The following PTPRD variants were observed in gnomAD, a reference collection of about 807,000 sequenced individuals.
PTPRD encodes the protein protein tyrosine phosphatase receptor type D, also known as receptor-type tyrosine-protein phosphatase delta.
PTPRD carries 34 observed loss-of-function variants against 214.5 expected under a neutral mutation model. The ratio of observed to expected loss-of-function variants is 0.16; its 90% CI spans 0.12 to 0.21. PTPRD has a LOEUF of 0.21. Among genes scored for constraint, PTPRD ranks in the 10% least tolerant of loss-of-function variants. PTPRD has a pLI of 1.00. For synonymous variants in PTPRD, 1,128 were observed against 845.7 expected (o/e 1.33, Z -5.79); for missense variants, 2,545 against 2,398.7 (o/e 1.06, Z -1.27).
chr9:10,291,822 T>C (rs2095535641), intron 3 of PTPRD, among the ~76,000 whole-genome samples: 1 of 152,050 alleles, frequency 6.6e-6, no homozygotes, highest in African/African-American at 2.4e-5. Flanking sequence ...CAGAGGAAAC[T>C]AATGGAGACG....
At chr9:10,013,956 G>C (rs945490582) in intron 4 of PTPRD, among the ~76,000 whole-genome samples, 1 of 151,678 alleles carries the variant, frequency 6.6e-6, no homozygotes, top group Non-Finnish European at 1.5e-5. Flanking sequence ...ATGAAACAAA[G>C]GACAAATCTG....
intron 7 of PTPRD, among the ~76,000 whole-genome samples, chr9:9,678,219 T>C (rs1413928851): frequency 1.3e-5 from 2 of 152,084 alleles, no homozygotes; most frequent in Non-Finnish European, 2.9e-5. Flanking sequence ...AAACAACTAC[T>C]TTAAAGTTCA....
chr9:10,011,464 G>C (rs568386838), intron 4 of PTPRD, among the ~76,000 whole-genome samples: 5 of 152,024 alleles, frequency 3.3e-5, no homozygotes, highest in African/African-American at 4.8e-5. Flanking sequence ...GCTTTTAGCT[G>C]TCGAATGCAT....
At chr9:8,517,347 C>G (rs1047606363) in intron 21 of PTPRD, among the ~76,000 whole-genome samples, 1 of 152,096 alleles carries the variant, frequency 6.6e-6, no homozygotes, top group South Asian at 2.1e-4. Context: ...TGAGGCCATA[C>G]AGAGAAAAAC....
chr9:8,949,352 C>G (rs1057117816), intron 11 of PTPRD, among the ~76,000 whole-genome samples: 1 of 151,678 alleles, frequency 6.6e-6, no homozygotes, highest in Non-Finnish European at 1.5e-5. Flanking sequence ...TTAAAGACAA[C>G]ATTTTACCTA....
intron 8 of PTPRD, among the ~76,000 whole-genome samples, chr9:9,468,061 A>G (rs1239172331): frequency 6.6e-6 from 1 of 152,082 alleles, no homozygotes; most frequent in Non-Finnish European, 1.5e-5. Flanking sequence ...TTGCATTTGA[A>G]TGTGGAAATT....
At chr9:9,316,803 A>G (rs1278136365) in intron 9 of PTPRD, among the ~76,000 whole-genome samples, 1 of 152,158 alleles carries the variant, frequency 6.6e-6, no homozygotes, top group African/African-American at 2.4e-5. Context: ...TATGGTAAAT[A>G]ATTTCCCCTG....
intron 11 of PTPRD, among the ~76,000 whole-genome samples, chr9:8,929,827 ATATG>A (rs1227467676): frequency 1.8e-5 from 2 of 110,220 alleles, no homozygotes; most frequent in African/African-American, 3.3e-5. Flanking sequence ...ATGTGTATAT[ATATG>A]TGTATATATA....
intron 3 of PTPRD, among the ~76,000 whole-genome samples, chr9:10,165,319 T>A (rs993682258): frequency 6.6e-6 from 1 of 151,700 alleles, no homozygotes; most frequent in African/African-American, 2.4e-5. Flanking sequence ...TTGTCCTTGG[T>A]GAGAGTCTGA....
chr9:9,364,370 T>C (rs184187104), intron 9 of PTPRD, among the ~76,000 whole-genome samples: 5 of 151,556 alleles, frequency 3.3e-5, no homozygotes, highest in South Asian at 2.1e-4. Flanking sequence ...AAGACACATA[T>C]GGCAAAGAGA....
intron 3 of PTPRD, among the ~76,000 whole-genome samples, chr9:10,116,504 A>T (rs2098732332): frequency 6.6e-6 from 1 of 152,174 alleles, no homozygotes; most frequent in African/African-American, 2.4e-5. Flanking sequence ...TTTCAAAATT[A>T]TAGCATTGAA....
intron 9 of PTPRD, among the ~76,000 whole-genome samples, chr9:9,199,125 A>G (rs2099940394): frequency 6.6e-6 from 1 of 152,156 alleles, no homozygotes; most frequent in Non-Finnish European, 1.5e-5. Context: ...GCACAAGGAG[A>G]CACAATATCA....
chr9:10,168,371 T>C (rs1342500214), intron 3 of PTPRD, among the ~76,000 whole-genome samples: 2 of 151,818 alleles, frequency 1.3e-5, no homozygotes, highest in East Asian at 3.9e-4. Context: ...GTAGTGCTGC[T>C]TAAAATGTCT....
At chr9:9,035,999 C>A (rs2099620512) in intron 10 of PTPRD, among the ~76,000 whole-genome samples, 1 of 151,958 alleles carries the variant, frequency 6.6e-6, no homozygotes, top group Admixed American at 6.6e-5. Flanking sequence ...TATTTGTGTA[C>A]CTATAAGCAT....
intron 2 of PTPRD, among the ~76,000 whole-genome samples, chr9:10,478,048 T>C (rs890372694): frequency 1.3e-5 from 2 of 151,524 alleles, no homozygotes; most frequent in Non-Finnish European, 2.9e-5. Context: ...TAAACCTAGA[T>C]AACAGGTTGA....
chr9:8,602,902 C>A (rs1429483276), intron 14 of PTPRD, among the ~76,000 whole-genome samples: 1 of 152,160 alleles, frequency 6.6e-6, no homozygotes, highest in African/African-American at 2.4e-5. Context: ...CTAATTCATT[C>A]ATCTGCATAA....
intron 2 of PTPRD, among the ~76,000 whole-genome samples, chr9:10,516,713 G>C (rs112456726): frequency 4.6e-5 from 7 of 152,046 alleles, no homozygotes; most frequent in South Asian, 4.1e-4. Context: ...CAAGTCTCAT[G>C]TTCAACCCTT....
chr9:8,429,487 T>C (rs2094907646), intron 35 of PTPRD, among the ~76,000 whole-genome samples: 1 of 152,212 alleles, frequency 6.6e-6, no homozygotes, highest in Non-Finnish European at 1.5e-5. Flanking sequence ...ATTTCATTAT[T>C]CATCAAGGAA....
At chr9:9,654,697 G>A (rs2096463392) in intron 7 of PTPRD, among the ~76,000 whole-genome samples, 1 of 152,122 alleles carries the variant, frequency 6.6e-6, no homozygotes, top group African/African-American at 2.4e-5. Context: ...TCTGAGTTTA[G>A]CTAGAAGGAG....
Sources: allele counts gnomAD v4.1 joint callset (sites outside exome capture counted in the v4.1 genomes callset), GRCh38; gene constraint gnomAD v4.1.1; transcripts MANE v1.5; gene names NCBI Gene and HGNC (gene_info 2026-07-23, HGNC 2026-07-21).